The following DHTKD1 variants were observed in gnomAD, a reference collection of about 807,000 sequenced individuals.
DHTKD1 encodes 2-oxoadipate dehydrogenase complex component E1.
Under a neutral mutation model 101.8 loss-of-function variants are expected in DHTKD1, and 78 were observed. The ratio of observed to expected loss-of-function variants is 0.77; its 90% CI spans 0.64 to 0.93. The LOEUF is 0.93. DHTKD1 is among the 40% of genes least tolerant of loss of function. The probability of loss-of-function intolerance (pLI) is 0.00; values close to 1 mark genes in which losing one functional copy is unlikely to be tolerated. For missense variants in DHTKD1, 1,223 were observed against 1,161.7 expected (o/e 1.05, Z -0.77); for synonymous variants, 462 against 450.3 (o/e 1.03, Z -0.33).
chr10:12,075,764 G>T (rs944934137), intron 1 of DHTKD1, among the ~76,000 whole-genome samples: 1 of 152,008 alleles, frequency 6.6e-6, no homozygotes, highest in African/African-American at 2.4e-5. Flanking sequence ...CAGGGAAAAA[G>T]AATTAAATCT....
intron 1 of DHTKD1, among the ~76,000 whole-genome samples, chr10:12,079,329 G>A (rs1701473): frequency 0.99 from 151,270 of 152,268 alleles, 75,150 homozygotes; most frequent in East Asian, 1. Context: ...AAAGAAAACC[G>A]GGTTCCTGCA....
intron 13 of DHTKD1, among the ~76,000 whole-genome samples, chr10:12,117,278 G>A (rs1722454): frequency 0.96 from 142,720 of 147,912 alleles, 69,092 homozygotes; most frequent in Middle Eastern, 1. Flanking sequence ...CCAAAGTGCT[G>A]GGATTACAGG....
rs917458468 is a variant in DHTKD1, at chr10:12,121,253, C to T, written c.*365C>T. On this transcript the variant is annotated 3_prime_UTR_variant, in exon 17 of 17. Coordinates refer to ENST00000263035, the MANE Select transcript of DHTKD1 (RefSeq NM_018706.7). ...AAAAAAAAAAACCCATTAAAAGAGGCCTCCTTCCTCCACTCTCTCAACCCC... is the reference window on the plus strand; with the variant it reads ...AAAAAAAAAAACCCATTAAAAGAGGTCTCCTTCCTCCACTCTCTCAACCCC... 10 of 218,634 alleles carry T rather than the reference C, an allele frequency of 4.6e-5. No individual in the cohort carries two copies. The highest frequency in any genetic ancestry group is 8.3e-5 in the Non-Finnish European group (9 of 107,966). The allele number at this position is 218,634 out of a possible 1,614,324, so 13.5% of individuals were successfully genotyped here.
Position 12,106,290 on chromosome 10 carries a change from A to G in DHTKD1, c.1941A>G (p.Glu647=). ...CAGAAGAGGCCGTCCTGGGATTTGA[A>G]TATGGGATGAGCATTGAGAGCCCAA... ...PLSEEAVLGF[E]YGMSIESPKL... is the part of the protein sequence containing the mutation. The change falls in exon 11 of 17, where the codon GAA becomes GAG. Residue 647 remains glutamate, a synonymous_variant. Transcript: ENST00000263035. The G allele has an allele frequency of 6.2e-7, 1 of 1,614,150 alleles. No homozygotes were observed. Among genetic ancestry groups the G allele is most frequent in the Non-Finnish European group, 8.5e-7 (1 of 1,180,030 alleles).
Position 12,097,780 on chromosome 10 carries a change from T to C in DHTKD1, c.1455T>C (p.Tyr485=), listed in dbSNP as rs606231237. The C allele has an allele frequency of 4.3e-6, 7 of 1,614,094 alleles. No homozygotes were observed. The highest frequency in any genetic ancestry group is 1.7e-5 in the Admixed American group (1 of 60,002). ...TGTCTGAAATAAAATCCTCCTACTA[T>C]GCCAAGTTGAATGATCACTTAAATA... The part of the protein sequence containing the change: ...EEVSEIKSSY[Y]AKLNDHLNNM... The change falls in exon 8 of 17, where the codon TAT becomes TAC. Residue 485 remains tyrosine, a synonymous_variant. Transcript: ENST00000263035.
intron 13 of DHTKD1, among the ~76,000 whole-genome samples, chr10:12,114,812 T>C (rs566729936): frequency 7.9e-5 from 12 of 151,318 alleles, no homozygotes; most frequent in African/African-American, 2.2e-4. Context: ...GGTTGGTTTT[T>C]TGAGACGGAG....
Position 12,075,572 on chromosome 10 carries a change from A to G in DHTKD1, c.155-5900A>G, listed in dbSNP as rs549567443. Among the ~76,000 whole-genome samples the G allele has an allele frequency of 3.0e-3, 454 of 151,674 alleles. 1 individual carries two copies. Among genetic ancestry groups the G allele is most frequent in the Non-Finnish European group, 5.3e-3 (360 of 67,866 alleles). On this transcript the variant is annotated intron_variant, in intron 1 of 16. Coordinates refer to ENST00000263035, the MANE Select transcript of DHTKD1 (RefSeq NM_018706.7). ...GTATTTTTTGTAGAGACAGGGTCTC[A>G]CTCTGTTGCCCAGGCTGGTCTCAAA...
intron 3 of DHTKD1, among the ~76,000 whole-genome samples, chr10:12,086,120 G>A (rs974176311): frequency 6.6e-6 from 1 of 150,934 alleles, no homozygotes; most frequent in South Asian, 2.1e-4. Flanking sequence ...CACCCGCCTC[G>A]GCCTCCCAAA....
At chr10:12,078,361 G>T (rs1041972220) in intron 1 of DHTKD1, among the ~76,000 whole-genome samples, 1 of 151,902 alleles carries the variant, frequency 6.6e-6, no homozygotes, top group African/African-American at 2.4e-5. Flanking sequence ...GGAAACAGAG[G>T]TTGCAATGAG....
Position 12,121,034 on chromosome 10 carries a change from A to C in DHTKD1, c.*146A>C, listed in dbSNP as rs1178009574. On this transcript the variant is annotated 3_prime_UTR_variant, in exon 17 of 17. Coordinates refer to ENST00000263035, the MANE Select transcript of DHTKD1 (RefSeq NM_018706.7). ...CAGGAGTTCGAGACCAGCCTGGCCA[A>C]CACGGTGAAACCCCGCCTCTACTAA... 5.2e-6 allele frequency: 3 copies of C among 576,408 alleles called. No individual in the cohort carries two copies. Among genetic ancestry groups the C allele is most frequent in the Non-Finnish European group, 9.3e-6 (3 of 323,396 alleles). 35.7% of individuals were successfully genotyped at this position (576,408 alleles called of 1,614,324 possible).
At chr10:12,086,852 G>T (rs933662776) in intron 3 of DHTKD1, among the ~76,000 whole-genome samples, 1 of 151,938 alleles carries the variant, frequency 6.6e-6, no homozygotes, top group Admixed American at 6.6e-5. Flanking sequence ...CACCACACCC[G>T]GCTAATTTTT....
intron 10 of DHTKD1, among the ~76,000 whole-genome samples, chr10:12,102,001 T>G (rs1286378805): frequency 6.6e-6 from 1 of 152,198 alleles, no homozygotes; most frequent in African/African-American, 2.4e-5. Flanking sequence ...AAACAATTAT[T>G]CAAGTGTCTA....
At position 12,087,619 on chromosome 10, in the gene DHTKD1, C is replaced by T. The variant is rs2131357344; in HGVS notation, c.607C>T (p.His203Tyr). 1 of 1,613,992 alleles carries T rather than the reference C, an allele frequency of 6.2e-7. No homozygotes were observed. Among genetic ancestry groups the T allele is most frequent in the South Asian group, 1.1e-5 (1 of 91,038 alleles). ...EGAESMMGFFHELLKMSAYSG... is the reference protein window; with the variant it reads ...EGAESMMGFFYELLKMSAYSG... Reference sequence around the variant, plus strand: ...GGCTGAAAGCATGATGGGCTTTTTCCACGAGCTGCTGAAAATGTCGGCCTA... The same window carrying T: ...GGCTGAAAGCATGATGGGCTTTTTCTACGAGCTGCTGAAAATGTCGGCCTA... The change falls in exon 4 of 17, where the codon CAC becomes TAC. Residue 203 changes from histidine (H) to tyrosine (Y), a missense_variant. Physicochemically the swap from His to Tyr is moderately conservative, Grantham distance 83. Coordinates refer to ENST00000263035, the MANE Select transcript of DHTKD1 (RefSeq NM_018706.7). The surrounding 1 kb of genome is among the most constrained non-coding windows in gnomAD (Gnocchi z 5.2).
chr10:12,119,484 CGGGCGCCTG>C (rs1833484044), intron 15 of DHTKD1, among the ~76,000 whole-genome samples: 5 of 150,738 alleles, frequency 3.3e-5, no homozygotes, highest in Admixed American at 2.6e-4. Context: ...GGCGTGGTGG[CGGGCGCCTG>C]TAGTCCCAGC....
intron 13 of DHTKD1, among the ~76,000 whole-genome samples, chr10:12,114,264 A>G (rs1414042999): frequency 6.6e-6 from 1 of 151,906 alleles, no homozygotes; most frequent in Non-Finnish European, 1.5e-5. Flanking sequence ...TACTTTTTTC[A>G]GGTTCATATG....
At chr10:12,083,484 C>T (rs866915128) in intron 2 of DHTKD1, among the ~76,000 whole-genome samples, 4 of 152,156 alleles carry the variant, frequency 2.6e-5, no homozygotes, top group Admixed American at 6.6e-5. Flanking sequence ...CCTGTAATCT[C>T]AGCACTTGGA....
chr10:12,108,157 T>A lies in DHTKD1; in HGVS notation c.2154+142T>A, dbSNP rs528448287. ...AACAGATTTGATGCAATGTCAATTT[T>A]CTTTGGAAACGTAATGCCTCAGGTA... On this transcript the variant is annotated intron_variant, in intron 12 of 16. Transcript: ENST00000263035. 15 of 592,312 alleles carry A rather than the reference T, an allele frequency of 2.5e-5. No homozygotes were observed. In the South Asian group the frequency reaches 3.0e-4, roughly 12 times the overall value. 36.7% of individuals were successfully genotyped at this position (592,312 alleles called of 1,614,324 possible).
chr10:12,098,052 C>G, intron 8 of DHTKD1, 56 bp downstream of exon 8: 2 of 1,496,094 alleles, frequency 1.3e-6, no homozygotes, highest in Non-Finnish European at 1.8e-6. Context: ...AGCAAAGGAG[C>G]TGACGTTGGT....
intron 1 of DHTKD1, among the ~76,000 whole-genome samples, chr10:12,080,641 G>A (rs935180311): frequency 1.5e-4 from 23 of 151,466 alleles, no homozygotes; most frequent in Admixed American, 4.0e-4. Context: ...AACCCGGGAG[G>A]CGCAGGTTGC....
Sources: gnomAD v4.1 joint callset for allele counts (sites outside exome capture counted in the v4.1 genomes callset) on GRCh38, gnomAD v4.1.1 for gene constraint, Gnocchi (gnomAD v3.1) non-coding constraint, MANE v1.5 for transcripts, NCBI Gene and HGNC (gene_info 2026-07-23, HGNC 2026-07-21) for gene names.